Variants in TSPAN12 observed in about 807,000 individuals in gnomAD.
TSPAN12 encodes tetraspanin-12.
TSPAN12 carries 19 observed loss-of-function variants against 39.2 expected under a neutral mutation model. The observed-to-expected ratio is 0.49, with a 90% CI of 0.34 to 0.71. The LOEUF (loss-of-function observed/expected upper bound fraction) is 0.71, where lower values mean the gene tolerates loss of function less well. Among genes scored for constraint, TSPAN12 ranks in the 30% least tolerant of loss-of-function variants. TSPAN12 has a pLI of 0.01. For synonymous variants in TSPAN12, 119 were observed against 124.8 expected (o/e 0.95, Z 0.31); for missense variants, 314 against 359.9 (o/e 0.87, Z 1.03).
At chr7:120,854,953 T>C (rs1794843790) in intron 2 of TSPAN12, among the ~76,000 whole-genome samples, 1 of 151,912 alleles carries the variant, frequency 6.6e-6, no homozygotes. Flanking sequence ...AGTTAGAAGG[T>C]TTAAGTACAG....
At chr7:120,793,231 A>G (rs941788951) in intron 7 of TSPAN12, among the ~76,000 whole-genome samples, 2 of 152,256 alleles carry the variant, frequency 1.3e-5, no homozygotes, top group African/African-American at 2.4e-5. Context: ...TTCTTTGAAA[A>G]TGACATTGAT....
intron 2 of TSPAN12, among the ~76,000 whole-genome samples, chr7:120,847,882 C>A (rs1307208526): frequency 2.0e-5 from 3 of 152,200 alleles, no homozygotes; most frequent in Admixed American, 1.3e-4. Context: ...CTTCCCTCAA[C>A]TGCCTCTGAG....
chr7:120,829,707 T>C (rs1235079235), intron 4 of TSPAN12, among the ~76,000 whole-genome samples: 1 of 152,184 alleles, frequency 6.6e-6, no homozygotes, highest in Non-Finnish European at 1.5e-5. Flanking sequence ...TAGCATGTGC[T>C]GCCAGAAAAA....
intron 7 of TSPAN12, among the ~76,000 whole-genome samples, chr7:120,803,202 C>T (rs903561894): frequency 1.1e-4 from 16 of 152,254 alleles, no homozygotes; most frequent in Middle Eastern, 6.8e-3. Context: ...GCAAGGTCTT[C>T]CTTCTATTGA....
At chr7:120,826,746 A>G (rs1794295691) in intron 4 of TSPAN12, among the ~76,000 whole-genome samples, 1 of 152,128 alleles carries the variant, frequency 6.6e-6, no homozygotes, top group South Asian at 2.1e-4. Context: ...TTTTGGAGAC[A>G]GAGTCTCATT....
chr7:120,820,323 C>A (rs1794165265), intron 4 of TSPAN12, among the ~76,000 whole-genome samples: 1 of 152,054 alleles, frequency 6.6e-6, no homozygotes, highest in Non-Finnish European at 1.5e-5. Flanking sequence ...AAAAAAAGAA[C>A]CCCCTTTTAC....
chr7:120,823,121 TGA>T (rs1250776780), intron 4 of TSPAN12, among the ~76,000 whole-genome samples: 1 of 151,924 alleles, frequency 6.6e-6, no homozygotes, highest in Non-Finnish European at 1.5e-5. Context: ...CTTCCTAAAA[TGA>T]GAGACTAAAC....
intron 7 of TSPAN12, among the ~76,000 whole-genome samples, chr7:120,796,206 G>T (rs1331232849): frequency 6.6e-6 from 1 of 152,158 alleles, no homozygotes; most frequent in Non-Finnish European, 1.5e-5. Context: ...TCTCTTGGGG[G>T]CCCATTTGGG....
At chr7:120,851,633 A>G (rs1794770687) in intron 2 of TSPAN12, among the ~76,000 whole-genome samples, 1 of 152,220 alleles carries the variant, frequency 6.6e-6, no homozygotes, top group Non-Finnish European at 1.5e-5. Context: ...TGTCTTTAAA[A>G]TGGTAGAAAG....
intron 4 of TSPAN12, among the ~76,000 whole-genome samples, chr7:120,818,086 C>T (rs1035308031): frequency 6.6e-6 from 1 of 151,964 alleles, no homozygotes; most frequent in Non-Finnish European, 1.5e-5. Context: ...GTTAAGACTT[C>T]AGAAAAAAGC....
At chr7:120,812,182 C>T (rs771903851) in intron 5 of TSPAN12, among the ~76,000 whole-genome samples, 1 of 152,190 alleles carries the variant, frequency 6.6e-6, no homozygotes, top group Non-Finnish European at 1.5e-5. Flanking sequence ...TTTAGGTATA[C>T]AGTACCACAG....
At chr7:120,835,288 A>G (rs982139900) in intron 4 of TSPAN12, among the ~76,000 whole-genome samples, 7 of 152,236 alleles carry the variant, frequency 4.6e-5, no homozygotes, top group African/African-American at 1.7e-4. Flanking sequence ...GTCTGAATCC[A>G]AGCTCCCAGC....
At chr7:120,854,320 C>T (rs1794828858) in intron 2 of TSPAN12, among the ~76,000 whole-genome samples, 1 of 152,170 alleles carries the variant, frequency 6.6e-6, no homozygotes, top group African/African-American at 2.4e-5. Flanking sequence ...GTAACAATTA[C>T]TATGATTAGT....
intron 7 of TSPAN12, among the ~76,000 whole-genome samples, chr7:120,802,271 G>A (rs1209613406): frequency 1.3e-5 from 2 of 152,164 alleles, no homozygotes; most frequent in Non-Finnish European, 2.9e-5. Flanking sequence ...CAGTAATCAC[G>A]GGCCCAGACC....
intron 5 of TSPAN12, among the ~76,000 whole-genome samples, chr7:120,811,594 C>T (rs182616625): frequency 6.6e-6 from 1 of 150,424 alleles, no homozygotes; most frequent in African/African-American, 2.5e-5. Flanking sequence ...GGTGTGAACC[C>T]GGAGGGCGAA....
At chr7:120,852,256 T>TA (rs1357995859) in intron 2 of TSPAN12, among the ~76,000 whole-genome samples, 2 of 151,988 alleles carry the variant, frequency 1.3e-5, no homozygotes, top group Non-Finnish European at 2.9e-5. Context: ...AAAATAGATT[T>TA]AAAAAAACTA....
At chr7:120,817,478 G>T (rs1433504041) in intron 4 of TSPAN12, among the ~76,000 whole-genome samples, 1 of 152,130 alleles carries the variant, frequency 6.6e-6, no homozygotes, top group Non-Finnish European at 1.5e-5. Flanking sequence ...GCAACTTTTG[G>T]ATAGTGCTGT....
intron 5 of TSPAN12, among the ~76,000 whole-genome samples, chr7:120,810,934 A>G (rs1793970184): frequency 6.6e-6 from 1 of 152,226 alleles, no homozygotes; most frequent in Non-Finnish European, 1.5e-5. Context: ...AATGTCCTTC[A>G]TTTGATTTCA....
At chr7:120,856,043 G>A (rs1279511462) in intron 2 of TSPAN12, among the ~76,000 whole-genome samples, 5 of 152,194 alleles carry the variant, frequency 3.3e-5, no homozygotes, top group African/African-American at 1.2e-4. Flanking sequence ...TTAACTCATA[G>A]GGCATAAAGA....
Sources: allele counts gnomAD v4.1 joint callset (sites outside exome capture counted in the v4.1 genomes callset), GRCh38; gene constraint gnomAD v4.1.1; transcripts MANE v1.5; gene names NCBI Gene and HGNC (gene_info 2026-07-23, HGNC 2026-07-21).